Variants in CNIH2 observed in about 807,000 individuals in gnomAD.
The protein encoded by CNIH2 is protein cornichon homolog 2.
A neutral mutation model predicts 22.9 loss-of-function variants in CNIH2; 8 were observed. That is an observed-to-expected ratio of 0.35 (90% confidence interval 0.20 to 0.63). The LOEUF (loss-of-function observed/expected upper bound fraction) is 0.63, where lower values mean the gene tolerates loss of function less well. Ranked by LOEUF, CNIH2 falls within the 30% of genes least tolerant of loss-of-function variation. The pLI is 0.72. For synonymous variants in CNIH2, 74 were observed against 78.2 expected (o/e 0.95, Z 0.28); for missense variants, 105 against 206.2 (o/e 0.51, Z 3.01).
At position 66,283,983 on chromosome 11, in the gene CNIH2, A is replaced by T. The variant is rs1473653046; in HGVS notation, c.*386A>T. On this transcript the variant is annotated 3_prime_UTR_variant, in exon 6 of 6. Coordinates refer to ENST00000311445, the MANE Select transcript of CNIH2 (RefSeq NM_182553.3). Reference sequence around the variant, plus strand: ...ACCCCCACCCTGAGGCTCCCCCTGCAGGTGGGGGGGTACCCGCACCGGGAA... The same window carrying T: ...ACCCCCACCCTGAGGCTCCCCCTGCTGGTGGGGGGGTACCCGCACCGGGAA... 2.6e-5 allele frequency: 6 copies of T among 228,930 alleles called. No individual in the cohort carries two copies. The highest frequency in any genetic ancestry group is 1.1e-4 in the East Asian group (1 of 9,096). 14.2% of individuals were successfully genotyped at this position (228,930 alleles called of 1,614,324 possible).
At chr11:66,282,392 G>A (rs776789394) in intron 2 of CNIH2, 65 bp downstream of exon 2, 2 of 1,436,568 alleles carry the variant, frequency 1.4e-6, no homozygotes, top group Non-Finnish European at 1.9e-6. Context: ...GTCGTGGGCT[G>A]GGGGTGGGAG....
intron 2 of CNIH2, 173 bp from the exon 3 acceptor site, chr11:66,282,560 G>C (rs1857275804): frequency 1.2e-6 from 1 of 860,926 alleles, no homozygotes; most frequent in Non-Finnish European, 1.8e-6. Context: ...CGCGGGTGAA[G>C]GCCCTTCCAT....
At chr11:66,278,685 C>G (rs951609137) in intron 1 of CNIH2, 148 bp downstream of exon 1, 1 of 432,786 alleles carries the variant, frequency 2.3e-6, no homozygotes, top group Non-Finnish European at 3.7e-6. Flanking sequence ...CCCATTAACA[C>G]CCCCCGTGGT....
chr11:66,278,703 C>T (rs1375788970), intron 1 of CNIH2, among the ~76,000 whole-genome samples, 166 bp downstream of exon 1: 1 of 150,956 alleles, frequency 6.6e-6, no homozygotes, highest in Non-Finnish European at 1.5e-5. Context: ...GGTCGGCTTT[C>T]TTCCCGGGGC....
intron 1 of CNIH2, among the ~76,000 whole-genome samples, chr11:66,280,083 C>T (rs1336645857): frequency 1.3e-5 from 2 of 152,204 alleles, no homozygotes; most frequent in Non-Finnish European, 2.9e-5. Context: ...CCAGGGCCTT[C>T]CCACAGCCCC....
chr11:66,280,396 T>C (rs940388706), intron 1 of CNIH2, among the ~76,000 whole-genome samples: 1 of 152,234 alleles, frequency 6.6e-6, no homozygotes, highest in Non-Finnish European at 1.5e-5. Context: ...AGTGGACCTG[T>C]GCACATCAGA....
At position 66,282,790 on chromosome 11, in the gene CNIH2, AGGGCTGG is replaced by A; in HGVS notation, c.198+15_198+21del. 1.2e-6 allele frequency: 2 copies of A among 1,608,058 alleles called. No homozygotes were observed. Among genetic ancestry groups the A allele is most frequent in the South Asian group, 2.2e-5 (2 of 90,106 alleles). ...CTGCCTCCTGAGGAAGGTCAGTGTC[AGGGCTGG>A]GGGCAGGAGGCTCCTAGCCCAGCGC... On this transcript the variant is annotated intron_variant, in intron 3 of 5. Transcript: ENST00000311445.
At chr11:66,282,389 G>C in intron 2 of CNIH2, 62 bp downstream of exon 2, 6 of 1,494,228 alleles carry the variant, frequency 4.0e-6, no homozygotes, top group Non-Finnish European at 5.5e-6. Flanking sequence ...TCTGTCGTGG[G>C]CTGGGGGTGG....
At chr11:66,282,689 T>C (rs1271823692) in intron 2 of CNIH2, 44 bp from the exon 3 acceptor site, 1 of 1,611,588 alleles carries the variant, frequency 6.2e-7, no homozygotes, top group South Asian at 1.1e-5. Context: ...CTCCAGTACC[T>C]GCTTCTCCGC....
At position 66,282,735 on chromosome 11, in the gene CNIH2, C is replaced by T. The variant is rs374304001; in HGVS notation, c.153C>T (p.Arg51=). 11 of 1,613,590 alleles carry T rather than the reference C, an allele frequency of 6.8e-6. No individual in the cohort carries two copies. The highest frequency in any genetic ancestry group is 9.3e-6 in the Non-Finnish European group (11 of 1,179,978). ...PIDQGNPARA[R]ERLKNIERIC... ...CGGCCTTTTCCTTCCCCCAACAGCGCGAGCGTTTAAAAAACATCGAACGCA... is the reference window on the plus strand; with the variant it reads ...CGGCCTTTTCCTTCCCCCAACAGCGTGAGCGTTTAAAAAACATCGAACGCA... The change falls in exon 3 of 6, where the codon CGC becomes CGT. Residue 51 remains arginine (R), a splice_region_variant and synonymous_variant. Transcript: ENST00000311445.
At chr11:66,282,429 G>GGGGGGCCTGGGGGGGGGGGGGGGGGGGGC in intron 2 of CNIH2, 102 bp downstream of exon 2, 1 of 479,464 alleles carries the variant, frequency 2.1e-6, no homozygotes, top group East Asian at 5.8e-5. Context: ...GGGGTGGGGG[G>GGGGGGCCTGGGGGGGGGGGGGGGGGGGGC]CCTACGGCCA....
intron 1 of CNIH2, among the ~76,000 whole-genome samples, chr11:66,280,600 C>T (rs1180405379): frequency 6.6e-6 from 1 of 152,200 alleles, no homozygotes; most frequent in African/African-American, 2.4e-5. Flanking sequence ...ATTGTTTGTT[C>T]CGGGGGGCTG....
At chr11:66,282,932 T>C (rs947632890) in intron 3 of CNIH2, 103 bp from the exon 4 acceptor site, 7 of 1,352,560 alleles carry the variant, frequency 5.2e-6, no homozygotes, top group Admixed American at 1.7e-5. Flanking sequence ...TCCCCAGAGG[T>C]CACGGTGGGT....
At chr11:66,281,967 T>C (rs1857264369) in intron 1 of CNIH2, among the ~76,000 whole-genome samples, 1 of 152,052 alleles carries the variant, frequency 6.6e-6, no homozygotes, top group Non-Finnish European at 1.5e-5. Flanking sequence ...GCCCCAGTGC[T>C]CAGCACAGGG....
Position 66,279,036 on chromosome 11 carries a change from G to GC in CNIH2, c.81+504dup, listed in dbSNP as rs1377441393. Among the ~76,000 whole-genome samples, 13 of 143,366 alleles carry GC rather than the reference G, an allele frequency of 9.1e-5. No homozygotes were observed. In the East Asian group the frequency reaches 1.1e-3, roughly 12 times the overall value. 94.1% of individuals were successfully genotyped at this position (143,366 alleles called of 152,430 possible). A position where few individuals can be genotyped will look rare whatever the true frequency, so the allele number is the denominator to read the frequency against. ...AGTCCATTAACCCTTTGCCTTCCCA[G>GC]CCCCCTCCCTGACCAAGCAGCAGTT... On this transcript the variant is annotated intron_variant, in intron 1 of 5. Coordinates refer to ENST00000311445, the MANE Select transcript of CNIH2 (RefSeq NM_182553.3).
At chr11:66,282,418 T>TGGGGGGGGGGG in intron 2 of CNIH2, 91 bp downstream of exon 2, 3 of 161,788 alleles carry the variant, frequency 1.9e-5, no homozygotes, top group African/African-American at 6.4e-5. Flanking sequence ...AAGACGGGGG[T>TGGGGGGGGGGG]GGGGTGGGGG....
chr11:66,278,691 G>A (rs893635335), intron 1 of CNIH2, among the ~76,000 whole-genome samples, 154 bp downstream of exon 1: 1 of 138,818 alleles, frequency 7.2e-6, no homozygotes, highest in East Asian at 2.1e-4. Flanking sequence ...AACACCCCCC[G>A]TGGTCGGCTT....
intron 1 of CNIH2, among the ~76,000 whole-genome samples, chr11:66,280,857 G>A (rs1376413609): frequency 1.3e-5 from 2 of 152,138 alleles, no homozygotes; most frequent in Non-Finnish European, 2.9e-5. Context: ...ATGCCTGGGG[G>A]TGGTGGGCCT....
intron 2 of CNIH2, 174 bp from the exon 3 acceptor site, chr11:66,282,559 A>C (rs1857275769): frequency 2.3e-6 from 2 of 854,926 alleles, no homozygotes; most frequent in African/African-American, 3.4e-5. Flanking sequence ...ACGCGGGTGA[A>C]GGCCCTTCCA....
Sources: allele counts gnomAD v4.1 joint callset (sites outside exome capture counted in the v4.1 genomes callset), GRCh38; gene constraint gnomAD v4.1.1; transcripts MANE v1.5; gene names NCBI Gene and HGNC (gene_info 2026-07-23, HGNC 2026-07-21).